ACSM1: variants seen among roughly 807,000 people sequenced by gnomAD.
The protein encoded by ACSM1 is acyl-CoA synthetase medium chain family member 1.
A neutral mutation model predicts 75.8 loss-of-function variants in ACSM1; 79 were observed. The ratio of observed to expected loss-of-function variants is 1.04; its 90% confidence interval spans 0.87 to 1.26. The LOEUF is 1.26. ACSM1 is among the 50% of genes most tolerant of loss of function. The pLI is 0.00. For synonymous variants in ACSM1, 279 were observed against 265.8 expected (o/e 1.05, Z -0.48); for missense variants, 676 against 720.1 (o/e 0.94, Z 0.70).
At chr16:20,661,734 A>G in intron 7 of ACSM1, 60 bp downstream of exon 7, 2 of 1,220,888 alleles carry the variant, frequency 1.6e-6, no homozygotes, top group Admixed American at 3.4e-5. Context: ...ACAGACCATG[A>G]TGTATCAGAT....
chr16:20,644,538 AACACACACACACACACACAC>A (rs56275246), intron 7 of ACSM1, among the ~76,000 whole-genome samples: 5 of 145,000 alleles, frequency 3.4e-5, no homozygotes, highest in African/African-American at 1.0e-4. Flanking sequence ...GTGATTGAGG[AACACACACACACACACACAC>A]ACACACACAC....
chr16:20,681,011 A>G (rs2152306985), intron 4 of ACSM1: 1 of 152,350 alleles, frequency 6.6e-6, no homozygotes, highest in East Asian at 1.9e-4. Flanking sequence ...AATAGACACA[A>G]ATGTCAAAAA....
Position 20,675,129 on chromosome 16 carries a change from G to A in ACSM1, c.612-3458C>T, listed in dbSNP as rs371383258. On this transcript the variant is annotated intron_variant, in intron 4 of 13. Transcript: ENST00000520010. The stretch of plus-strand genomic sequence containing the variant: ...CCTACCCAGGACACCAGAGAGGTTC[G>A]TTTCCTCTGATGAAGAGTCCTGGGG... Among the ~76,000 whole-genome samples, 141 of 152,216 alleles carry A rather than the reference G, an allele frequency of 9.3e-4. 5 individuals are homozygous for A. The South Asian group carries it at 0.028, about 30-fold the overall frequency.
intron 7 of ACSM1, among the ~76,000 whole-genome samples, chr16:20,650,188 G>T (rs2018571657): frequency 6.6e-6 from 1 of 152,176 alleles, no homozygotes; most frequent in African/African-American, 2.4e-5. Context: ...CTAGTTCCGA[G>T]ATGCATTCTA....
chr16:20,636,693 G>T, intron 10 of ACSM1, 46 bp downstream of exon 10: 2 of 1,436,840 alleles, frequency 1.4e-6, no homozygotes, highest in Non-Finnish European at 2.0e-6. Context: ...AGAGCTCCCT[G>T]TTGGGATCCT....
intron 11 of ACSM1, among the ~76,000 whole-genome samples, chr16:20,625,923 A>G (rs1463800463): frequency 6.6e-6 from 1 of 152,242 alleles, no homozygotes; most frequent in African/African-American, 2.4e-5. Context: ...CTTAAGGCTT[A>G]CAACATGATG....
At chr16:20,654,895 T>C (rs1649619451) in intron 7 of ACSM1, among the ~76,000 whole-genome samples, 1 of 152,188 alleles carries the variant, frequency 6.6e-6, no homozygotes, top group African/African-American at 2.4e-5. Context: ...ATCCCATTAC[T>C]GGGTATATAC....
rs2019209012 is a variant in ACSM1, at chr16:20,659,977, A to T, written c.992+1817T>A. 1.3e-5 allele frequency among the ~76,000 whole-genome samples: 2 copies of T among 152,176 alleles called. 1 individual carries two copies. Among genetic ancestry groups the T allele is most frequent in the Admixed American group, 1.3e-4 (2 of 15,270 alleles). ...CTGAACCAAACCAATGTGTTTCTTA[A>T]ATGTATTTGATTGATGTCTCACGCC... is the stretch of plus-strand genomic sequence containing the variant. On this transcript the variant is annotated intron_variant, in intron 7 of 13. Transcript: ENST00000520010.
intron 7 of ACSM1, among the ~76,000 whole-genome samples, chr16:20,644,862 T>C (rs539954850): frequency 6.6e-6 from 1 of 152,368 alleles, no homozygotes; most frequent in Non-Finnish European, 1.5e-5. Flanking sequence ...ACTTCTAGTC[T>C]TGTGGCCTTC....
chr16:20,632,501 C>G (rs1567247810), intron 10 of ACSM1, among the ~76,000 whole-genome samples: 1 of 152,126 alleles, frequency 6.6e-6, no homozygotes, highest in Non-Finnish European at 1.5e-5. Context: ...AGAAATAGAA[C>G]TCTGAATAGA....
At position 20,682,440 on chromosome 16, in the gene ACSM1, T is replaced by G. The variant is rs756924072; in HGVS notation, c.427A>C (p.Ile143Leu). 3 of 1,613,678 alleles carry G rather than the reference T, an allele frequency of 1.9e-6. No individual in the cohort carries two copies. Among genetic ancestry groups the G allele is most frequent in the Non-Finnish European group, 2.5e-6 (3 of 1,179,762 alleles). The change falls in exon 4 of 14, where the codon ATC becomes CTC. Residue 143 changes from isoleucine (I) to leucine (L), a missense_variant. Physicochemically the swap from Ile to Leu is conservative, Grantham distance 5. Transcript: ENST00000520010. ...AGAATGTCTTTGGCCTTCAACAGGA[T>G]GGTCGCAGGAATGAAGATGATCCCT... is the stretch of plus-strand genomic sequence containing the variant. ...RTGIIFIPAT[I>L]LLKAKDILYR...
intron 10 of ACSM1, among the ~76,000 whole-genome samples, chr16:20,633,550 A>G (rs928459870): frequency 3.3e-5 from 5 of 152,358 alleles, no homozygotes; most frequent in African/African-American, 1.2e-4. Flanking sequence ...ATGAAAAGAC[A>G]TATGATACTC....
chr16:20,646,446 C>T (rs2152228712), intron 7 of ACSM1, among the ~76,000 whole-genome samples: 1 of 152,268 alleles, frequency 6.6e-6, no homozygotes, highest in African/African-American at 2.4e-5. Flanking sequence ...CCTAGGTATG[C>T]TTGACCATTG....
At chr16:20,682,152 TA>T (rs1437401788) in intron 4 of ACSM1, 103 bp downstream of exon 4, 17 of 1,137,804 alleles carry the variant, frequency 1.5e-5, no homozygotes, top group Non-Finnish European at 2.0e-5. Flanking sequence ...CTGGTGCACC[TA>T]AATAATAAAT....
In ACSM1 at chr16:20,637,435, G is replaced by A. The variant is rs1373220208; in HGVS notation, c.1133C>T (p.Thr378Ile). 2.5e-6 allele frequency: 4 copies of A among 1,614,024 alleles called. No homozygotes were observed. Among genetic ancestry groups the A allele is most frequent in the East Asian group, 2.2e-5 (1 of 44,886 alleles). ...CGGCTTGATCTTCATTCCCCAGTAGGTGGCACAAATTAGTCCCTGTTCACA... is the reference window on the plus strand; with the variant it reads ...CGGCTTGATCTTCATTCCCCAGTAGATGGCACAAATTAGTCCCTGTTCACA... ...GQSETGLICA[T>I]YWGMKIKPGF... The change falls in exon 9 of 14, where the codon ACC becomes ATC. Residue 378 changes from threonine (T) to isoleucine (I), a missense_variant. Transcript: ENST00000520010.
chr16:20,658,007 T>C (rs963729880), intron 7 of ACSM1, among the ~76,000 whole-genome samples: 28 of 152,176 alleles, frequency 1.8e-4, no homozygotes, highest in Non-Finnish European at 3.4e-4. Context: ...CAGTCTATCA[T>C]TTTTGGACAT....
intron 2 of ACSM1, among the ~76,000 whole-genome samples, chr16:20,687,460 T>C (rs1277961415): frequency 1.3e-5 from 2 of 152,092 alleles, no homozygotes; most frequent in Non-Finnish European, 2.9e-5. Flanking sequence ...CTTCACACTA[T>C]GAAGATTAGT....
intron 2 of ACSM1, among the ~76,000 whole-genome samples, chr16:20,686,093 AAGTT>A (rs1483314608): frequency 6.6e-6 from 1 of 152,184 alleles, no homozygotes; most frequent in Non-Finnish European, 1.5e-5. Flanking sequence ...AAGTTTAAAT[AAGTT>A]ATTTACATAA....
At chr16:20,625,958 C>T (rs191820912) in intron 11 of ACSM1, among the ~76,000 whole-genome samples, 158 of 152,244 alleles carry the variant, frequency 1.0e-3, no homozygotes, top group Non-Finnish European at 1.4e-3. Flanking sequence ...TACATAGTAA[C>T]GCGATTAAAA....
Sources: allele counts gnomAD v4.1 joint callset (sites outside exome capture counted in the v4.1 genomes callset), GRCh38; gene constraint gnomAD v4.1.1; transcripts MANE v1.5; gene names NCBI Gene and HGNC (gene_info 2026-07-23, HGNC 2026-07-21).